The following RGS7BP variants were observed in gnomAD, a reference collection of about 807,000 sequenced individuals.
RGS7BP encodes the protein regulator of G protein signaling 7 binding protein, also known as regulator of G protein signaling 7-binding protein.
In RGS7BP, 9 loss-of-function variants were observed where a neutral mutation model predicts 31.3. That is an observed-to-expected ratio of 0.29 (90% confidence interval 0.17 to 0.50). The LOEUF is 0.50. Ranked by LOEUF, RGS7BP falls within the 20% of genes least tolerant of loss-of-function variation. The pLI is 0.98. For synonymous variants in RGS7BP, 115 were observed against 120.1 expected, an observed-to-expected ratio of 0.96 and a Z score of 0.28; for missense variants, 274 against 322.0, an observed-to-expected ratio of 0.85 and a Z score of 1.14.
intron 3 of RGS7BP, among the ~76,000 whole-genome samples, chr5:64,579,092 T>G (rs16892903): frequency 0.14 from 20,854 of 152,172 alleles, 1,658 homozygotes; most frequent in Non-Finnish European, 0.16. Context: ...AAGTCTCTTG[T>G]GTTTCCAGAA....
chr5:64,568,924 T>G (rs571621533), intron 2 of RGS7BP, among the ~76,000 whole-genome samples: 1 of 119,660 alleles, frequency 8.4e-6, no homozygotes, highest in Admixed American at 8.5e-5. Context: ...GCAAAGGTGC[T>G]GGTCGAAGGC....
At chr5:64,579,543 CAAAAAAAAAAA>C (rs34003776) in intron 3 of RGS7BP, among the ~76,000 whole-genome samples, 3 of 53,310 alleles carry the variant, frequency 5.6e-5, no homozygotes, top group Admixed American at 6.5e-4. Context: ...GACTCCATCT[CAAAAAAAAAAA>C]AAAAAAAAAA....
chr5:64,538,382 G>T (rs117773381), intron 2 of RGS7BP, among the ~76,000 whole-genome samples: 1 of 151,478 alleles, frequency 6.6e-6, no homozygotes, highest in African/African-American at 2.4e-5. Flanking sequence ...TCATAGCCCC[G>T]GCAAACTCTG....
intron 2 of RGS7BP, among the ~76,000 whole-genome samples, chr5:64,525,438 A>G (rs1180474289): frequency 6.6e-6 from 1 of 152,202 alleles, no homozygotes; most frequent in Non-Finnish European, 1.5e-5. Flanking sequence ...ACTCCTTGAT[A>G]TCTTGGAGAA....
At chr5:64,509,220 G>A (rs1251441134) in intron 2 of RGS7BP, among the ~76,000 whole-genome samples, 3 of 152,114 alleles carry the variant, frequency 2.0e-5, no homozygotes, top group South Asian at 2.1e-4. Flanking sequence ...AATCAGAAAT[G>A]TGAAGGAGCA....
intron 2 of RGS7BP, among the ~76,000 whole-genome samples, chr5:64,566,912 A>T (rs1280731611): frequency 1.3e-5 from 2 of 151,810 alleles, no homozygotes; most frequent in Non-Finnish European, 1.5e-5. Flanking sequence ...GGGGGCCCTT[A>T]TGGTCTTTCT....
At chr5:64,593,112 C>A (rs1334631468) in intron 3 of RGS7BP, among the ~76,000 whole-genome samples, 1 of 152,180 alleles carries the variant, frequency 6.6e-6, no homozygotes, top group Non-Finnish European at 1.5e-5. Context: ...AGGATCAATG[C>A]ACATAAAGTA....
chr5:64,508,071 T>C (rs1748742722), intron 2 of RGS7BP, among the ~76,000 whole-genome samples, 194 bp downstream of exon 2: 1 of 152,220 alleles, frequency 6.6e-6, no homozygotes, highest in Non-Finnish European at 1.5e-5. Flanking sequence ...CTTGCATATA[T>C]GTATATATAT....
intron 2 of RGS7BP, among the ~76,000 whole-genome samples, chr5:64,510,824 G>A (rs1428738393): frequency 6.6e-6 from 1 of 152,190 alleles, no homozygotes; most frequent in Non-Finnish European, 1.5e-5. Context: ...ATAGGGTGGA[G>A]GAAAAGTAAT....
chr5:64,589,592 T>C (rs1373244913), intron 3 of RGS7BP, among the ~76,000 whole-genome samples: 2 of 151,994 alleles, frequency 1.3e-5, no homozygotes, highest in Non-Finnish European at 2.9e-5. Flanking sequence ...ATTCATGACA[T>C]TGAAAATGAA....
chr5:64,529,712 T>C (rs1749323273), intron 2 of RGS7BP, among the ~76,000 whole-genome samples: 1 of 152,198 alleles, frequency 6.6e-6, no homozygotes, highest in Non-Finnish European at 1.5e-5. Flanking sequence ...AGGGATCTAT[T>C]TGAACAAGTA....
chr5:64,537,567 AC>A (rs941808449), intron 2 of RGS7BP, among the ~76,000 whole-genome samples: 4 of 152,094 alleles, frequency 2.6e-5, no homozygotes. Context: ...TCTAAGCTTT[AC>A]CTCTCCCCAG....
intron 3 of RGS7BP, among the ~76,000 whole-genome samples, chr5:64,581,657 A>C (rs1742600901): frequency 6.6e-6 from 1 of 152,208 alleles, no homozygotes; most frequent in South Asian, 2.1e-4. Flanking sequence ...AGTGAACTTG[A>C]ATTTAGTAAT....
intron 5 of RGS7BP, among the ~76,000 whole-genome samples, chr5:64,606,197 T>C (rs1743360792): frequency 6.6e-6 from 1 of 151,898 alleles, no homozygotes; most frequent in Middle Eastern, 3.2e-3. Flanking sequence ...TATCTGTGTA[T>C]AATACCTACT....
At chr5:64,511,197 T>G (rs895235437) in intron 2 of RGS7BP, among the ~76,000 whole-genome samples, 28 of 152,186 alleles carry the variant, frequency 1.8e-4, no homozygotes, top group African/African-American at 6.5e-4. Flanking sequence ...TCAGACTATG[T>G]TTTTTCTAAC....
chr5:64,555,906 C>G (rs1322893410), intron 2 of RGS7BP, among the ~76,000 whole-genome samples: 1 of 151,962 alleles, frequency 6.6e-6, no homozygotes, highest in African/African-American at 2.4e-5. Flanking sequence ...GTCCACCAGC[C>G]CATTTTAAGT....
chr5:64,597,814 A>T (rs900413223), intron 4 of RGS7BP, among the ~76,000 whole-genome samples: 26 of 152,052 alleles, frequency 1.7e-4, no homozygotes, highest in Non-Finnish European at 2.6e-4. Flanking sequence ...GGGGTGATGG[A>T]TGCCCTAAAA....
rs550263283 is a variant in RGS7BP at position 64,511,124 on chromosome 5, T to A, written c.332+3247T>A. Among the ~76,000 whole-genome samples, 5 of 152,350 alleles carry A rather than the reference T, an allele frequency of 3.3e-5. No homozygotes were observed. In the East Asian group the frequency reaches 9.6e-4, roughly 29 times the overall value. ...CATTAAACAAGCCACTAATGCTACATACCTTTCATCCCTGACCAACTGAAA... is the reference window on the plus strand; with the variant it reads ...CATTAAACAAGCCACTAATGCTACAAACCTTTCATCCCTGACCAACTGAAA... On this transcript the variant is annotated intron_variant, in intron 2 of 5. Transcript: ENST00000334025.
chr5:64,537,867 T>C (rs1468263432), intron 2 of RGS7BP, among the ~76,000 whole-genome samples: 1 of 152,228 alleles, frequency 6.6e-6, no homozygotes, highest in Admixed American at 6.5e-5. Flanking sequence ...AAGATCCATA[T>C]GACAAACTTC....
Sources: allele counts gnomAD v4.1 joint callset (sites outside exome capture counted in the v4.1 genomes callset), GRCh38; gene constraint gnomAD v4.1.1; transcripts MANE v1.5; gene names NCBI Gene and HGNC (gene_info 2026-07-23, HGNC 2026-07-21).